Variants in C3orf49 observed in about 807,000 individuals in gnomAD.
C3orf49 encodes the protein chromosome 3 open reading frame 49.
A neutral mutation model predicts 13.3 loss-of-function variants in C3orf49; 27 were observed. That is an observed-to-expected ratio of 2.02 (90% CI 1.49 to 2.79). The LOEUF (loss-of-function observed/expected upper bound fraction) is 2.79, where lower values mean the gene tolerates loss of function less well. Ranked by LOEUF, C3orf49 falls within the 30% of genes most tolerant of loss-of-function variation. The probability of loss-of-function intolerance (pLI) is 0.00; values close to 1 mark genes in which losing one functional copy is unlikely to be tolerated. For synonymous variants in C3orf49, 87 were observed against 47.6 expected (o/e 1.83, Z -3.40); for missense variants, 242 against 134.2 (o/e 1.80, Z -3.97).
At chr3:63,783,587 G>A in the C3orf49 span, among the ~76,000 whole-genome samples, 45 of 150,998 alleles carry the variant, frequency 3.0e-4, 1 homozygote, top group East Asian at 7.0e-3. Flanking sequence ...GTGTGGTGGC[G>A]GGCACATGTA....
chr3:63,816,115 C>A (rs557860808), upstream of C3orf49, among the ~76,000 whole-genome samples: 11 of 150,440 alleles, frequency 7.3e-5, no homozygotes, highest in South Asian at 2.3e-3. Context: ...ATTTTTAATT[C>A]TTTTTTCTTT....
At chr3:63,811,259 A>T in the C3orf49 span, among the ~76,000 whole-genome samples, 1 of 152,192 alleles carries the variant, frequency 6.6e-6, no homozygotes. Flanking sequence ...TAAAAATAAT[A>T]AAAATAGAGC....
At chr3:63,838,506 A>G in intron 5 of C3orf49, 6 of 1,579,088 alleles carry the variant, frequency 3.8e-6, no homozygotes, top group Non-Finnish European at 5.1e-6. Context: ...ATATCTAATG[A>G]AAAAGAAAGA....
At chr3:63,782,390 A>G in the C3orf49 span, 1 of 152,222 alleles carries the variant, frequency 6.6e-6, no homozygotes, top group South Asian at 2.1e-4. Flanking sequence ...TTCAAATTCA[A>G]TTTTCAAGGT....
At chr3:63,817,171 T>C (rs1701333830), upstream of C3orf49, among the ~76,000 whole-genome samples, 1 of 152,116 alleles carries the variant, frequency 6.6e-6, no homozygotes, top group Non-Finnish European at 1.5e-5. Context: ...TTTCACACGA[T>C]TGGCTCTTTT....
At chr3:63,810,261 C>T in the C3orf49 span, among the ~76,000 whole-genome samples, 1 of 152,120 alleles carries the variant, frequency 6.6e-6, no homozygotes, top group Admixed American at 6.5e-5. Context: ...CCCCTGCAGA[C>T]ACTTCCTATC....
upstream of C3orf49, among the ~76,000 whole-genome samples, chr3:63,816,354 G>T (rs1701324218): frequency 3.3e-5 from 5 of 152,008 alleles, no homozygotes; most frequent in Non-Finnish European, 7.4e-5. Flanking sequence ...ACTTTGGGAG[G>T]CTGAGGCAGG....
chr3:63,832,507 A>T (rs1701547846), intron 5 of C3orf49, among the ~76,000 whole-genome samples: 1 of 151,486 alleles, frequency 6.6e-6, no homozygotes, highest in Admixed American at 6.6e-5. Flanking sequence ...AAAAATTTTT[A>T]AAAATTAGCT....
At chr3:63,839,824 T>C (rs1289183497) in intron 5 of C3orf49, 2 of 1,447,582 alleles carry the variant, frequency 1.4e-6, no homozygotes, top group Non-Finnish European at 1.9e-6. Flanking sequence ...AACTTTCAAG[T>C]ACAAATAACC....
In C3orf49 at chr3:63,832,861, A is replaced by T. The variant is rs1303914497; in HGVS notation, c.849+1017A>T. The T allele has an allele frequency of 2.6e-5, 4 of 152,178 alleles. No individual in the cohort carries two copies. The East Asian group carries it at 7.7e-4, about 29-fold the overall frequency. The allele number at this position is 152,178 out of a possible 1,614,324, so 9.4% of individuals were successfully genotyped here. ...ATTATGACACTTTTAATATGACTACAACTGAGCTAATTTTAAACTTTCATT... is the reference window on the plus strand; with the variant it reads ...ATTATGACACTTTTAATATGACTACTACTGAGCTAATTTTAAACTTTCATT... On this transcript the variant is annotated intron_variant, in intron 5 of 6. Transcript: ENST00000295896.
chr3:63,797,599 T>A, the C3orf49 span, among the ~76,000 whole-genome samples: 16,996 of 152,172 alleles, frequency 0.11, 1,708 homozygotes, highest in African/African-American at 0.26. Flanking sequence ...CTACCAAGTA[T>A]ATCTTCCTAC....
At chr3:63,792,360 T>C in the C3orf49 span, among the ~76,000 whole-genome samples, 6 of 152,256 alleles carry the variant, frequency 3.9e-5, no homozygotes, top group Non-Finnish European at 7.3e-5. Flanking sequence ...ATATAGCTAC[T>C]TCAAGCCAAA....
intron 5 of C3orf49, among the ~76,000 whole-genome samples, chr3:63,843,814 T>G (rs548602829): frequency 2.6e-4 from 40 of 151,716 alleles, no homozygotes; most frequent in South Asian, 2.5e-3. Flanking sequence ...GGCAGGAGAA[T>G]GGCGTGAACC....
In C3orf49 at chr3:63,834,197, C is replaced by T. The variant is rs376962986; in HGVS notation, c.849+2353C>T. 38 of 1,613,814 alleles carry T rather than the reference C, an allele frequency of 2.4e-5. No individual in the cohort carries two copies. The highest frequency in any genetic ancestry group is 3.0e-5 in the Non-Finnish European group (35 of 1,179,990). Reference sequence around the variant, plus strand: ...TCTTCTACCTCTGAGAGTTTTTCATCATCTGTAATTGAGAAGGAAACATAA... The same window carrying T: ...TCTTCTACCTCTGAGAGTTTTTCATTATCTGTAATTGAGAAGGAAACATAA... On this transcript the variant is annotated intron_variant, in intron 5 of 6. Coordinates refer to ENST00000295896, the MANE Select transcript of C3orf49 (RefSeq NM_001355236.2).
At chr3:63,816,764 C>CTTTT (rs757549553), upstream of C3orf49, among the ~76,000 whole-genome samples, 30 of 80,682 alleles carry the variant, frequency 3.7e-4, no homozygotes, top group African/African-American at 9.8e-4. Context: ...ATTTTCTTTT[C>CTTTT]TTTTCTTTTT....
chr3:63,819,055 C>T (rs969973698), upstream of C3orf49, among the ~76,000 whole-genome samples: 2 of 152,178 alleles, frequency 1.3e-5, no homozygotes, highest in Admixed American at 1.3e-4. Flanking sequence ...AGTTCAAATA[C>T]GCACTTCTGA....
chr3:63,816,788 T>TTTTTTTC (rs1362583384), upstream of C3orf49, among the ~76,000 whole-genome samples: 1 of 143,702 alleles, frequency 7.0e-6, no homozygotes, highest in Non-Finnish European at 1.5e-5. Context: ...TTTTTTTTTT[T>TTTTTTTC]GTGAGACAGA....
chr3:63,784,439 T>A, the C3orf49 span, among the ~76,000 whole-genome samples: 1 of 152,148 alleles, frequency 6.6e-6, no homozygotes, highest in Non-Finnish European at 1.5e-5. Context: ...CAAATAATTG[T>A]TTGTCATGGG....
intron 3 of C3orf49, among the ~76,000 whole-genome samples, chr3:63,829,727 G>C (rs991867785): frequency 1.3e-5 from 2 of 152,056 alleles, no homozygotes; most frequent in African/African-American, 4.8e-5. Context: ...TTGGGAGGCT[G>C]GTAAGGGAGG....
Sources: allele counts gnomAD v4.1 joint callset (sites outside exome capture counted in the v4.1 genomes callset), GRCh38; gene constraint gnomAD v4.1.1; transcripts MANE v1.5; gene names NCBI Gene and HGNC (gene_info 2026-07-23, HGNC 2026-07-21).